ZNF165: variants seen among roughly 807,000 people sequenced by gnomAD.
ZNF165 encodes zinc finger protein 165, also known as cancer/testis antigen 53.
ZNF165 carries 14 observed loss-of-function variants against 19.6 expected under a neutral mutation model. That is an observed-to-expected ratio of 0.71 (90% CI 0.47 to 1.12). The LOEUF (loss-of-function observed/expected upper bound fraction) is 1.12. ZNF165 is among the 50% of genes most tolerant of loss of function. ZNF165 has a pLI of 0.00. For synonymous variants in ZNF165, 165 were observed against 195.0 expected, an observed-to-expected ratio of 0.85 and a Z score of 1.28; for missense variants, 504 against 566.3, an observed-to-expected ratio of 0.89 and a Z score of 1.12.
chr6:28,083,579 C>G (rs756602615), intron 1 of ZNF165, among the ~76,000 whole-genome samples: 8 of 152,190 alleles, frequency 5.3e-5, no homozygotes, highest in Non-Finnish European at 1.0e-4. Context: ...ACTATGCAGT[C>G]CAACCCTAGC....
Position 28,082,906 on chromosome 6 carries a change from T to C in ZNF165, c.-1+1936T>C, listed in dbSNP as rs187677363. ...CCAAAACAGAAGTCATCTGAAACTT[T>C]CCTAATTTTTCCTTTCAATCATAAA... On this transcript the variant is annotated intron_variant, in intron 1 of 3. Transcript: ENST00000683778. Among the ~76,000 whole-genome samples, 560 of 152,390 alleles carry C rather than the reference T, an allele frequency of 3.7e-3. 7 individuals are homozygous for C. Among genetic ancestry groups the C allele is most frequent in the Admixed American group, 0.011 (175 of 15,310 alleles).
chr6:28,084,569 G>C (rs1423032974), intron 1 of ZNF165, among the ~76,000 whole-genome samples: 3 of 152,144 alleles, frequency 2.0e-5, no homozygotes, highest in South Asian at 2.1e-4. Context: ...TGAGGAAGGA[G>C]AATCACTTGA....
chr6:28,083,486 G>A (rs114543248), intron 1 of ZNF165, among the ~76,000 whole-genome samples: 3,447 of 152,030 alleles, frequency 0.023, 59 homozygotes, highest in Middle Eastern at 0.065. Context: ...TTCTGTAACC[G>A]TCCTTCCCAC....
At chr6:28,082,825 C>G (rs2113682477) in intron 1 of ZNF165, among the ~76,000 whole-genome samples, 1 of 152,310 alleles carries the variant, frequency 6.6e-6, no homozygotes, top group South Asian at 2.1e-4. Flanking sequence ...ATCATTGTTT[C>G]TGTTGGAAAT....
At position 28,085,622 on chromosome 6, in the gene ZNF165, T is replaced by C; in HGVS notation, c.142T>C (p.Cys48Arg). 1 of 1,614,236 alleles carries C rather than the reference T, an allele frequency of 6.2e-7. No individual in the cohort carries two copies. Among genetic ancestry groups the C allele is most frequent in the Middle Eastern group, 1.7e-4 (1 of 6,060 alleles). The change falls in exon 2 of 4, where the codon TGC becomes CGC. Residue 48 changes from cysteine to arginine, a missense_variant. By Grantham distance (180) the Cys-to-Arg change is radical. Transcript: ENST00000683778. ...AAGTGAACTCCTTAAGCAGGAGCTC[T>C]GCAGGCAGCTTTTTAGGCAGTTCTG... ...QRSELLKQEL[C>R]RQLFRQFCYQ...
intron 3 of ZNF165, among the ~76,000 whole-genome samples, chr6:28,087,249 T>G (rs1161603858): frequency 6.6e-6 from 1 of 152,182 alleles, no homozygotes; most frequent in Non-Finnish European, 1.5e-5. Context: ...TGTTTTGTTT[T>G]GTTTTGTTTT....
Position 28,086,233 on chromosome 6 carries a change from C to G in ZNF165, c.473C>G (p.Ala158Gly). The change falls in exon 3 of 4, where the codon GCA becomes GGA. Residue 158 changes from alanine to glycine, a missense_variant. Physicochemically the swap from Ala to Gly is moderately conservative, Grantham distance 60. Coordinates refer to ENST00000683778, the MANE Select transcript of ZNF165 (RefSeq NM_001376491.1). ...FQKKVSPPGP[A>G]LNVKLQPVET... ...AAAAAAGTGTCACCTCCTGGACCAG[C>G]ACTTAATGTCAAGTTACAGCCAGTG... The G allele has an allele frequency of 1.9e-6, 3 of 1,614,218 alleles. No homozygotes were observed. The highest frequency in any genetic ancestry group is 2.5e-6 in the Non-Finnish European group (3 of 1,180,042).
rs567560234 is a variant in ZNF165 at position 28,086,078 on chromosome 6, A to C, written c.412-94A>C. 13 of 1,532,370 alleles carry C rather than the reference A, an allele frequency of 8.5e-6. No individual in the cohort carries two copies. In the African/African-American group the frequency reaches 1.7e-4, roughly 20 times the overall value. 94.9% of individuals were successfully genotyped at this position (1,532,370 alleles called of 1,614,324 possible). ...AATCAGACTCGATTCTTCCTTCCCCAGTTTTGCATTTCTATGGGAGTTTCT... is the reference window on the plus strand; with the variant it reads ...AATCAGACTCGATTCTTCCTTCCCCCGTTTTGCATTTCTATGGGAGTTTCT... On this transcript the variant is annotated intron_variant, in intron 2 of 3. Transcript: ENST00000683778.
At position 28,086,318 on chromosome 6, in the gene ZNF165, G is replaced by A. The variant is rs1317434834; in HGVS notation, c.550+8G>A. On this transcript the variant is annotated splice_region_variant and intron_variant, in intron 3 of 3. Coordinates refer to ENST00000683778, the MANE Select transcript of ZNF165 (RefSeq NM_001376491.1). ...AGCTCCTATGGGACTGTGGTGAGGG[G>A]CAGAATGCCATATAGTGCACATCAC... The A allele has an allele frequency of 6.2e-7, 1 of 1,610,904 alleles. No individual in the cohort carries two copies. Among genetic ancestry groups the A allele is most frequent in the Non-Finnish European group, 8.5e-7 (1 of 1,179,044 alleles).
intron 1 of ZNF165, 64 bp from the exon 2 acceptor site, chr6:28,085,414 CAGG>C (rs1764251398): frequency 1.3e-5 from 20 of 1,509,380 alleles, no homozygotes; most frequent in Non-Finnish European, 1.8e-5. Flanking sequence ...TTTGATCCCT[CAGG>C]AGGACTCTTG....
At position 28,088,687 on chromosome 6, in the gene ZNF165, C is replaced by T. The variant is rs1561798357; in HGVS notation, c.675C>T (p.Asp225=). The change falls in exon 4 of 4, where the codon GAC becomes GAT. Residue 225 remains aspartate, a synonymous_variant. Transcript: ENST00000683778. ...CAGAAGCATCTGGTGAGTCTCAAGA[C>T]ATCTGTAAGTCTGCAGGCAGGGTAA... The part of the protein sequence containing the change: ...YISEASGESQ[D]ICKSAGRVKR... 4 of 1,614,108 alleles carry T rather than the reference C, an allele frequency of 2.5e-6. No homozygotes were observed. In the African/African-American group the frequency reaches 4.0e-5, roughly 16 times the overall value.
In ZNF165 at chr6:28,086,188, A is replaced by G. The variant is rs1363479579; in HGVS notation, c.428A>G (p.His143Arg). The change falls in exon 3 of 4, where the codon CAT becomes CGT. Residue 143 changes from histidine to arginine, a missense_variant. Transcript: ENST00000683778. ...EAVLQVQAHE[H>R]GQEIFQKKVS... Reference sequence around the variant, plus strand: ...TTTTCTCAGGTTCAAGCCCATGAACATGGACAAGAAATATTCCAGAAAAAA... The same window carrying G: ...TTTTCTCAGGTTCAAGCCCATGAACGTGGACAAGAAATATTCCAGAAAAAA... 3 of 1,614,100 alleles carry G rather than the reference A, an allele frequency of 1.9e-6. No individual in the cohort carries two copies. The highest frequency in any genetic ancestry group is 1.7e-6 in the Non-Finnish European group (2 of 1,179,988).
chr6:28,086,382 T>C, intron 3 of ZNF165, 72 bp downstream of exon 3: 1 of 1,542,614 alleles, frequency 6.5e-7, no homozygotes, highest in Non-Finnish European at 8.7e-7. Context: ...CACAAACTAG[T>C]CTTGGTAACT....
rs750857970 is a variant in ZNF165, at chr6:28,085,495, A to G, written c.15A>G (p.Pro5=). The change falls in exon 2 of 4, where the codon CCA becomes CCG. Residue 5 remains proline (P), a synonymous_variant. Transcript: ENST00000683778. ...TCTATCCACAGATGGCTACAGAACC[A>G]AAGAAAGCTGCAGCCCAGAACTCTC... MATE[P]KKAAAQNSPE... 6.2e-7 allele frequency: 1 copy of G among 1,611,662 alleles called. No homozygotes were observed. Among genetic ancestry groups the G allele is most frequent in the Non-Finnish European group, 8.5e-7 (1 of 1,179,492 alleles).
At position 28,088,829 on chromosome 6, in the gene ZNF165, G is replaced by A. The variant is rs774158679; in HGVS notation, c.817G>A (p.Asp273Asn). The stretch of plus-strand genomic sequence containing the variant: ...AGTCAGAGGTGAAATAATAAGCCAC[G>A]ATGGATGTGAGAGGAGATTAAATCT... ...NTVRGEIISH[D>N]GCERRLNLNS... The change falls in exon 4 of 4, where the codon GAT becomes AAT. Residue 273 changes from aspartate to asparagine, a missense_variant. Physicochemically the swap from Asp to Asn is conservative, Grantham distance 23. Transcript: ENST00000683778. 50 of 1,614,070 alleles carry A rather than the reference G, an allele frequency of 3.1e-5. No individual in the cohort carries two copies. Among genetic ancestry groups the A allele is most frequent in the Middle Eastern group, 3.3e-4 (2 of 6,084 alleles).
rs777200369 is a variant in ZNF165 at position 28,085,907 on chromosome 6, G to T, written c.411+16G>T. 3 of 1,603,042 alleles carry T rather than the reference G, an allele frequency of 1.9e-6. No individual in the cohort carries two copies. Among genetic ancestry groups the T allele is most frequent in the African/African-American group, 2.7e-5 (2 of 74,712 alleles). On this transcript the variant is annotated intron_variant, in intron 2 of 3. Transcript: ENST00000683778. ...AGTACTCCAGGTGCACAGGGGATGGGAGATCTAAGACCTCCATAATGGATA... is the reference window on the plus strand; with the variant it reads ...AGTACTCCAGGTGCACAGGGGATGGTAGATCTAAGACCTCCATAATGGATA...
At position 28,089,006 on chromosome 6, in the gene ZNF165, G is replaced by C; in HGVS notation, c.994G>C (p.Ala332Pro). 1.1e-5 allele frequency: 18 copies of C among 1,614,176 alleles called. No individual in the cohort carries two copies. The highest frequency in any genetic ancestry group is 1.5e-5 in the Non-Finnish European group (18 of 1,180,020). The stretch of plus-strand genomic sequence containing the variant: ...AAAATCTTTCAAGAGCCCAAAACTT[G>C]CTAAACATGCAGCAGTTTTCAGTGG... ...YGKSFKSPKL[A>P]KHAAVFSGDK... Residue 332 changes from alanine (A) to proline (P), a missense_variant, in exon 4 of 4, where the codon GCT (alanine) becomes CCT (proline). Transcript: ENST00000683778.
rs142387896 is a variant in ZNF165, at chr6:28,084,017, C to T, written c.1-1464C>T. Among the ~76,000 whole-genome samples, 1,112 of 152,294 alleles carry T rather than the reference C, an allele frequency of 7.3e-3. 16 individuals are homozygous for T. The highest frequency in any genetic ancestry group is 0.025 in the African/African-American group (1,040 of 41,536). ...CCACTGAATTTATTTCTTTCTCTCC[C>T]GCATCCTTGTCAAATCTTTTCTATT... is the stretch of plus-strand genomic sequence containing the variant. On this transcript the variant is annotated intron_variant, in intron 1 of 3. Transcript: ENST00000683778.
chr6:28,085,775 A>G lies in ZNF165; in HGVS notation c.295A>G (p.Thr99Ala). The G allele has an allele frequency of 6.2e-7, 1 of 1,613,768 alleles. No individual in the cohort carries two copies. Among genetic ancestry groups the G allele is most frequent in the Non-Finnish European group, 8.5e-7 (1 of 1,180,024 alleles). ...ACTGCTGGTGCTAGAGCAGTTCCTG[A>G]CCATCCTGCCAGGAGATTTGCAGGC... ...LELLVLEQFL[T>A]ILPGDLQAWV... Residue 99 changes from threonine to alanine, a missense_variant, in exon 2 of 4, where the codon ACC becomes GCC. By Grantham distance (58) the Thr-to-Ala change is moderately conservative. Transcript: ENST00000683778.
Sources: gnomAD v4.1 joint callset for allele counts (sites outside exome capture counted in the v4.1 genomes callset) on GRCh38, gnomAD v4.1.1 for gene constraint, MANE v1.5 for transcripts, NCBI Gene and HGNC (gene_info 2026-07-23, HGNC 2026-07-21) for gene names.